Variants in PPP2R3A observed in about 807,000 individuals in gnomAD.
PPP2R3A encodes serine/threonine-protein phosphatase 2A regulatory subunit B'' subunit alpha.
PPP2R3A carries 80 observed loss-of-function variants against 106.9 expected under a neutral mutation model. The ratio of observed to expected loss-of-function variants is 0.75; its 90% CI spans 0.62 to 0.90. The LOEUF is 0.90. PPP2R3A is among the 40% of genes least tolerant of loss of function. The pLI is 0.00. For missense variants in PPP2R3A, 1,386 were observed against 1,350.4 expected, an observed-to-expected ratio of 1.03 and a Z score of -0.41; for synonymous variants, 483 against 468.3, an observed-to-expected ratio of 1.03 and a Z score of -0.41.
At chr3:136,087,277 C>CTCTCTCTG (rs1287636677) in intron 8 of PPP2R3A, among the ~76,000 whole-genome samples, 1 of 149,514 alleles carries the variant, frequency 6.7e-6, no homozygotes, top group African/African-American at 2.5e-5. Flanking sequence ...CTCTCTCTCT[C>CTCTCTCTG]TCTCTCTCTC....
At chr3:136,020,430 G>A (rs992522890) in intron 2 of PPP2R3A, among the ~76,000 whole-genome samples, 1 of 151,990 alleles carries the variant, frequency 6.6e-6, no homozygotes, top group African/African-American at 2.4e-5. Context: ...TGTCTGATTT[G>A]TAGTTTTAGT....
At chr3:136,067,659 T>C (rs1015639247) in intron 5 of PPP2R3A, among the ~76,000 whole-genome samples, 8 of 152,056 alleles carry the variant, frequency 5.3e-5, no homozygotes, top group Non-Finnish European at 8.8e-5. Context: ...AGCAAATAGA[T>C]GAGGAAACTA....
At chr3:136,079,237 G>A (rs1936701026) in intron 7 of PPP2R3A, 1 of 449,222 alleles carries the variant, frequency 2.2e-6, no homozygotes, top group Non-Finnish European at 4.5e-6. Flanking sequence ...ATCACAGTCA[G>A]TGTTGATATT....
At chr3:136,070,422 C>A in intron 5 of PPP2R3A, 56 bp from the exon 6 acceptor site, 1 of 1,447,848 alleles carries the variant, frequency 6.9e-7, no homozygotes, top group Non-Finnish European at 9.4e-7. Flanking sequence ...GAAAAACTTC[C>A]ATAGGCATAA....
rs76670624 is a variant in PPP2R3A at position 136,101,820 on chromosome 3, G to A, written c.2928-187G>A. On this transcript the variant is annotated intron_variant, in intron 10 of 13. Coordinates refer to ENST00000264977, the MANE Select transcript of PPP2R3A (RefSeq NM_002718.5). Reference sequence around the variant, plus strand: ...TAAAAAGCAAAATGGGGTTGAACACGGTTGATTCTGGGTGGAAAAATAAAG... The same window carrying A: ...TAAAAAGCAAAATGGGGTTGAACACAGTTGATTCTGGGTGGAAAAATAAAG... Among the ~76,000 whole-genome samples the A allele has an allele frequency of 1.8e-3, 275 of 152,244 alleles. 8 individuals carry two copies. In the East Asian group the frequency reaches 0.047, roughly 26 times the overall value.
intron 13 of PPP2R3A, among the ~76,000 whole-genome samples, chr3:136,125,759 A>G (rs1938157103): frequency 6.6e-6 from 1 of 152,196 alleles, no homozygotes; most frequent in Non-Finnish European, 1.5e-5. Flanking sequence ...TTAACATATC[A>G]AATCCAATGA....
rs181935708 is a variant in PPP2R3A, at chr3:136,015,647, T to C, written c.1996-11185T>C. Among the ~76,000 whole-genome samples, 9 of 152,126 alleles carry C rather than the reference T, an allele frequency of 5.9e-5. No homozygotes were observed. In the East Asian group the frequency reaches 1.7e-3, roughly 29 times the overall value. On this transcript the variant is annotated intron_variant, in intron 2 of 13. Coordinates refer to ENST00000264977, the MANE Select transcript of PPP2R3A (RefSeq NM_002718.5). Reference sequence around the variant, plus strand: ...TGAATGATCTTTTGTATTTTTGTGGTATCAGTTGTAATATTTCCTGTTTCA... The same window carrying C: ...TGAATGATCTTTTGTATTTTTGTGGCATCAGTTGTAATATTTCCTGTTTCA...
At chr3:136,116,829 C>A (rs528821480) in intron 13 of PPP2R3A, among the ~76,000 whole-genome samples, 3 of 151,874 alleles carry the variant, frequency 2.0e-5, no homozygotes, top group African/African-American at 7.2e-5. Context: ...ATTAGATCAA[C>A]AAGACCAAAA....
chr3:136,082,865 T>C (rs1018835085), intron 8 of PPP2R3A, among the ~76,000 whole-genome samples: 60 of 152,252 alleles, frequency 3.9e-4, no homozygotes, highest in African/African-American at 1.4e-3. Flanking sequence ...AATTTACTTT[T>C]GGAAATTTTG....
At chr3:136,015,054 A>C (rs1184407147) in intron 2 of PPP2R3A, among the ~76,000 whole-genome samples, 1 of 152,170 alleles carries the variant, frequency 6.6e-6, no homozygotes, top group African/African-American at 2.4e-5. Flanking sequence ...ATTTTGTCAA[A>C]TGCTTTTCCC....
At chr3:136,047,776 G>T (rs979705630) in intron 4 of PPP2R3A, among the ~76,000 whole-genome samples, 1 of 152,130 alleles carries the variant, frequency 6.6e-6, no homozygotes, top group Non-Finnish European at 1.5e-5. Flanking sequence ...GTGGTGGCGG[G>T]TGCCTGTAGT....
chr3:136,028,184 T>A (rs1365592756), intron 3 of PPP2R3A, among the ~76,000 whole-genome samples: 2 of 152,182 alleles, frequency 1.3e-5, no homozygotes, highest in African/African-American at 2.4e-5. Context: ...AGCATCCACT[T>A]TGTTGAAGAC....
At chr3:136,039,752 C>G (rs1219822635) in intron 3 of PPP2R3A, among the ~76,000 whole-genome samples, 13 of 152,088 alleles carry the variant, frequency 8.5e-5, no homozygotes, top group Admixed American at 8.5e-4. Context: ...GGGACCTCTT[C>G]CTTTCAATTA....
chr3:136,077,682 G>A (rs2400730), intron 6 of PPP2R3A, among the ~76,000 whole-genome samples: 19,876 of 151,874 alleles, frequency 0.13, 1,951 homozygotes, highest in African/African-American at 0.29. Context: ...TCCTTCTCTG[G>A]TCTTCTCCTA....
intron 13 of PPP2R3A, among the ~76,000 whole-genome samples, chr3:136,124,271 C>A (rs1403565625): frequency 6.6e-6 from 1 of 152,072 alleles, no homozygotes; most frequent in East Asian, 1.9e-4. Context: ...GGGAAGATTG[C>A]GTGGGGCCAG....
At chr3:136,102,659 T>C (rs1002814783) in intron 11 of PPP2R3A, among the ~76,000 whole-genome samples, 1 of 152,044 alleles carries the variant, frequency 6.6e-6, no homozygotes, top group South Asian at 2.1e-4. Flanking sequence ...AGTGTAGCAA[T>C]TGATGGCAAG....
intron 13 of PPP2R3A, among the ~76,000 whole-genome samples, chr3:136,127,007 T>G (rs1938205814): frequency 1.3e-5 from 2 of 152,118 alleles, no homozygotes; most frequent in South Asian, 4.1e-4. Context: ...ACCCCATCTG[T>G]AGGTCACCAA....
chr3:135,988,403 C>A (rs1320953616), intron 1 of PPP2R3A, among the ~76,000 whole-genome samples: 1 of 152,086 alleles, frequency 6.6e-6, no homozygotes, highest in East Asian at 1.9e-4. Flanking sequence ...TAGTCCAAGC[C>A]AGCATCATCT....
intron 6 of PPP2R3A, among the ~76,000 whole-genome samples, chr3:136,073,970 C>T (rs979651276): frequency 6.6e-6 from 1 of 152,190 alleles, no homozygotes; most frequent in Non-Finnish European, 1.5e-5. Context: ...GTTAAGATCA[C>T]ACTATTTCTA....
Sources: allele counts gnomAD v4.1 joint callset (sites outside exome capture counted in the v4.1 genomes callset), GRCh38; gene constraint gnomAD v4.1.1; transcripts MANE v1.5; gene names NCBI Gene and HGNC (gene_info 2026-07-23, HGNC 2026-07-21).